Variants in DAP observed in about 807,000 individuals in gnomAD.
DAP encodes death associated protein, also known as death-associated protein 1.
In DAP, 8 loss-of-function variants were observed where a neutral mutation model predicts 13.8. The observed-to-expected ratio is 0.58, with a 90% CI of 0.34 to 1.05. The LOEUF (loss-of-function observed/expected upper bound fraction) is 1.05, where lower values mean the gene tolerates loss of function less well. Among genes scored for constraint, DAP ranks in the 50% least tolerant of loss-of-function variants. The pLI is 0.03. For missense variants in DAP, 106 were observed against 133.2 expected (o/e 0.80, Z 1.01); for synonymous variants, 47 against 47.5 (o/e 0.99, Z 0.04).
At chr5:10,696,839 A>C (rs1264990506) in intron 2 of DAP, among the ~76,000 whole-genome samples, 3 of 152,138 alleles carry the variant, frequency 2.0e-5, no homozygotes, top group Non-Finnish European at 4.4e-5. Flanking sequence ...GCGCTGTGCC[A>C]TGGCGCAGGG....
In DAP at chr5:10,679,459, G is replaced by C. The variant is rs568380919; in HGVS notation, c.*1597C>G. On this transcript the variant is annotated 3_prime_UTR_variant, in exon 4 of 4. Transcript: ENST00000230895. ...TCTGGATTTCTGCAGCGGCAGGGCA[G>C]GGGTCTGCACAGGCCTGACCTGGTG... 1.3e-5 allele frequency: 2 copies of C among 152,496 alleles called. No individual in the cohort carries two copies. The highest frequency in any genetic ancestry group is 3.8e-4 in the East Asian group (2 of 5,322). The allele number at this position is 152,496 out of a possible 1,614,324, so 9.4% of individuals were successfully genotyped here. A position where few individuals can be genotyped will look rare whatever the true frequency, so the allele number is the denominator to read the frequency against.
At chr5:10,728,503 T>G (rs1739348828) in intron 2 of DAP, among the ~76,000 whole-genome samples, 1 of 152,166 alleles carries the variant, frequency 6.6e-6, no homozygotes, top group African/African-American at 2.4e-5. Flanking sequence ...TCAGGGAAAT[T>G]AAATATAAAC....
intron 2 of DAP, among the ~76,000 whole-genome samples, chr5:10,734,562 C>T (rs2126669214): frequency 6.6e-6 from 1 of 152,282 alleles, no homozygotes; most frequent in African/African-American, 2.4e-5. Flanking sequence ...ACCTCCAGGA[C>T]AGGAGGAATC....
At chr5:10,760,748 C>T (rs1357294419) in intron 1 of DAP, among the ~76,000 whole-genome samples, 2 of 152,204 alleles carry the variant, frequency 1.3e-5, no homozygotes, top group Non-Finnish European at 2.9e-5. Flanking sequence ...GGAGCCTGCG[C>T]GCAATCGCAC....
chr5:10,725,887 C>A (rs191625841), intron 2 of DAP, among the ~76,000 whole-genome samples: 9 of 152,304 alleles, frequency 5.9e-5, no homozygotes, highest in African/African-American at 1.7e-4. Context: ...AAAAGAGAGT[C>A]CCACCACTTA....
intron 2 of DAP, among the ~76,000 whole-genome samples, chr5:10,717,126 C>T (rs1039624408): frequency 6.6e-6 from 1 of 152,162 alleles, no homozygotes; most frequent in Non-Finnish European, 1.5e-5. Flanking sequence ...CATAATGCAG[C>T]TTGTTGGTTG....
In DAP at chr5:10,722,488, C is replaced by A. The variant is rs527441782; in HGVS notation, c.152+25687G>T. 1.0e-3 allele frequency among the ~76,000 whole-genome samples: 150 copies of A among 149,832 alleles called. 1 individual carries two copies. Among genetic ancestry groups the A allele is most frequent in the South Asian group, 6.5e-3 (30 of 4,650 alleles). On this transcript the variant is annotated intron_variant, in intron 2 of 3. Coordinates refer to ENST00000230895, the MANE Select transcript of DAP (RefSeq NM_004394.3). ...AGTTAATACTTAATAAACTCTCTCT[C>A]TATATATATACACATACATATGCAT...
chr5:10,757,824 T>TTCTC (rs1740229841), intron 1 of DAP, among the ~76,000 whole-genome samples: 3 of 151,586 alleles, frequency 2.0e-5, no homozygotes. Context: ...CAGTGAGGGG[T>TTCTC]GAGAAGAGGC....
intron 2 of DAP, among the ~76,000 whole-genome samples, chr5:10,697,355 T>C (rs752681518): frequency 1.3e-5 from 2 of 152,238 alleles, no homozygotes; most frequent in African/African-American, 4.8e-5. Flanking sequence ...CGATCATCTA[T>C]GTATTAAAAA....
intron 2 of DAP, among the ~76,000 whole-genome samples, chr5:10,709,726 G>A (rs543421531): frequency 6.6e-6 from 1 of 152,326 alleles, no homozygotes; most frequent in Admixed American, 6.5e-5. Context: ...CTGCTGCACA[G>A]CAGGGCTCCC....
chr5:10,690,742 G>A (rs573227177), intron 2 of DAP, among the ~76,000 whole-genome samples: 5 of 152,302 alleles, frequency 3.3e-5, no homozygotes, highest in East Asian at 3.9e-4. Context: ...AGCTATGGAC[G>A]TGGGTGTATA....
At chr5:10,727,162 C>T (rs952900082) in intron 2 of DAP, among the ~76,000 whole-genome samples, 1 of 152,312 alleles carries the variant, frequency 6.6e-6, no homozygotes, top group African/African-American at 2.4e-5. Flanking sequence ...CTGGACTGTG[C>T]AGAAACATGA....
chr5:10,702,242 G>A (rs1009669358), intron 2 of DAP, among the ~76,000 whole-genome samples: 8 of 152,180 alleles, frequency 5.3e-5, no homozygotes, highest in East Asian at 1.9e-4. Flanking sequence ...ACCGGTCAGC[G>A]ACCCTCAGCT....
intron 2 of DAP, among the ~76,000 whole-genome samples, chr5:10,702,931 C>T (rs1380612802): frequency 2.0e-5 from 3 of 152,206 alleles, no homozygotes; most frequent in South Asian, 2.1e-4. Context: ...GACAGATGTG[C>T]ACCCTTACCC....
chr5:10,742,376 A>C (rs938281209), intron 2 of DAP, among the ~76,000 whole-genome samples: 1 of 152,130 alleles, frequency 6.6e-6, no homozygotes, highest in Non-Finnish European at 1.5e-5. Flanking sequence ...CTACTAAAAA[A>C]ATTAGCCAGA....
At chr5:10,701,781 AC>A (rs1181801412) in intron 2 of DAP, among the ~76,000 whole-genome samples, 1 of 152,180 alleles carries the variant, frequency 6.6e-6, no homozygotes, top group Non-Finnish European at 1.5e-5. Context: ...TGGTGTTATT[AC>A]TAGCAGTGCT....
chr5:10,742,034 A>G (rs905369918), intron 2 of DAP, among the ~76,000 whole-genome samples: 8 of 152,356 alleles, frequency 5.3e-5, no homozygotes, highest in Admixed American at 6.5e-5. Context: ...ACTTTTACCC[A>G]TTAATTCTGA....
rs111645993 is a variant in DAP, at chr5:10,756,837, C to T, written c.55+4177G>A. Among the ~76,000 whole-genome samples, 587 of 152,324 alleles carry T rather than the reference C, an allele frequency of 3.9e-3. 6 individuals carry two copies. Among genetic ancestry groups the T allele is most frequent in the African/African-American group, 0.013 (553 of 41,568 alleles). On this transcript the variant is annotated intron_variant, in intron 1 of 3. Transcript: ENST00000230895. ...TCTTTTCTGCTGTGGAATGCTATGA[C>T]TGCTGTTAGATGAAACAGAAAGAAT...
At chr5:10,730,678 G>C (rs1401364791) in intron 2 of DAP, among the ~76,000 whole-genome samples, 1 of 130,920 alleles carries the variant, frequency 7.6e-6, no homozygotes, top group African/African-American at 2.9e-5. Flanking sequence ...AGCCCTGGTG[G>C]GGGGGAATCT....
Sources: allele counts gnomAD v4.1 joint callset (sites outside exome capture counted in the v4.1 genomes callset), GRCh38; gene constraint gnomAD v4.1.1; transcripts MANE v1.5; gene names NCBI Gene and HGNC (gene_info 2026-07-23, HGNC 2026-07-21).